DUXA: variants seen among roughly 807,000 people sequenced by gnomAD.
DUXA encodes double homeobox protein A.
DUXA carries 25 observed loss-of-function variants against 27.5 expected under a neutral mutation model. The observed-to-expected ratio is 0.91, with a 90% confidence interval of 0.66 to 1.27. DUXA has a LOEUF of 1.27. DUXA is among the 50% of genes most tolerant of loss of function. DUXA has a pLI of 0.00. For synonymous variants in DUXA, 90 were observed against 80.5 expected, an observed-to-expected ratio of 1.12 and a Z score of -0.63; for missense variants, 247 against 242.9, an observed-to-expected ratio of 1.02 and a Z score of -0.11.
At chr19:57,154,757 G>T (rs1599929057) in intron 5 of DUXA, among the ~76,000 whole-genome samples, 1 of 151,950 alleles carries the variant, frequency 6.6e-6, no homozygotes, top group South Asian at 2.1e-4. Context: ...TAGAGACGGG[G>T]TTTCACCGTG....
intron 5 of DUXA, among the ~76,000 whole-genome samples, 157 bp from the exon 6 acceptor site, chr19:57,154,639 C>G (rs1426022670): frequency 6.6e-6 from 1 of 151,606 alleles, no homozygotes; most frequent in East Asian, 2.0e-4. Context: ...TCTCGGCTCA[C>G]TGCAAGCTCC....
At chr19:57,156,171 T>A (rs2086992229) in intron 4 of DUXA, among the ~76,000 whole-genome samples, 1 of 152,128 alleles carries the variant, frequency 6.6e-6, no homozygotes, top group Non-Finnish European at 1.5e-5. Context: ...TTTTTTTTTC[T>A]ATCTCTTTTT....
intron 4 of DUXA, among the ~76,000 whole-genome samples, chr19:57,157,618 A>C (rs2086998932): frequency 6.6e-6 from 1 of 151,772 alleles, no homozygotes; most frequent in African/African-American, 2.4e-5. Flanking sequence ...GACGTGAGCC[A>C]CCGCACCCAG....
At chr19:57,163,039 G>A (rs753705758) in intron 1 of DUXA, among the ~76,000 whole-genome samples, 8 of 151,694 alleles carry the variant, frequency 5.3e-5, no homozygotes, top group East Asian at 3.9e-4. Context: ...CTCATCATAC[G>A]CGACATTCCA....
intron 1 of DUXA, among the ~76,000 whole-genome samples, chr19:57,162,365 C>T (rs933704909): frequency 1.3e-5 from 2 of 152,182 alleles, no homozygotes; most frequent in East Asian, 1.9e-4. Context: ...ACATAATTTG[C>T]TGGATAGGAC....
intron 1 of DUXA, among the ~76,000 whole-genome samples, chr19:57,162,810 C>G (rs4801202): frequency 0.76 from 116,044 of 151,964 alleles, 44,811 homozygotes; most frequent in Middle Eastern, 0.8. Flanking sequence ...TCCTGACCTC[C>G]TGATCCACCC....
At chr19:57,160,949 C>A (rs918466642) in intron 1 of DUXA, 152 bp from the exon 2 acceptor site, 2 of 831,302 alleles carry the variant, frequency 2.4e-6, no homozygotes, top group Admixed American at 5.7e-5. Context: ...CTCTTGAACA[C>A]ACAATGGCGA....
chr19:57,158,351 C>A lies in DUXA; in HGVS notation c.415G>T (p.Gly139Cys). 1.2e-6 allele frequency: 2 copies of A among 1,612,126 alleles called. No individual in the cohort carries two copies. Among genetic ancestry groups the A allele is most frequent in the South Asian group, 1.1e-5 (1 of 90,980 alleles). The part of the protein sequence containing the change: ...DSREELAKEI[G>C]VPESRVQIWF... ...ACTTGGACTCTTGACTCTGGAACAC[C>A]GATTTCTTTAGCAAGTTCTTCTCTG... Residue 139 changes from glycine (G) to cysteine (C), a missense_variant, in exon 4 of 6, where the codon GGT (glycine) becomes TGT (cysteine). Transcript: ENST00000554048.
intron 1 of DUXA, among the ~76,000 whole-genome samples, chr19:57,161,516 C>G (rs189239295): frequency 0.02 from 2,684 of 135,004 alleles, 192 homozygotes; most frequent in African/African-American, 0.073. Context: ...CCAGCTACTC[C>G]GGAGGCTGAG....
intron 2 of DUXA, among the ~76,000 whole-genome samples, chr19:57,159,587 A>G (rs780260143): frequency 6.6e-6 from 1 of 151,380 alleles, no homozygotes; most frequent in Non-Finnish European, 1.5e-5. Flanking sequence ...TAATTTTTGT[A>G]TTTTCAGTAG....
rs150407533 is a variant in DUXA at position 57,159,202 on chromosome 19, C to A, written c.257G>T (p.Ser86Ile). The change falls in exon 3 of 6, where the codon AGC (serine) becomes ATC (isoleucine). Residue 86 changes from serine to isoleucine, a missense_variant. Physicochemically the swap from Ser to Ile is moderately radical, Grantham distance 142. Transcript: ENST00000554048. The stretch of plus-strand genomic sequence containing the variant: ...CACACCAGGTTGATCTTGCCCCTGG[C>A]TCTGGCTTGATTCTAAAGTCTCAGC... Reference protein sequence around the residue: ...PEAETLESSQSQGQDQPGVEF... With the variant: ...PEAETLESSQIQGQDQPGVEF... 5.5e-4 allele frequency: 884 copies of A among 1,614,204 alleles called. 7 individuals are homozygous for A. In the East Asian group the frequency reaches 0.016, roughly 29 times the overall value.
At position 57,158,347 on chromosome 19, in the gene DUXA, A is replaced by G. The variant is rs747224683; in HGVS notation, c.419T>C (p.Val140Ala). 18 of 1,612,008 alleles carry G rather than the reference A, an allele frequency of 1.1e-5. No individual in the cohort carries two copies. Among genetic ancestry groups the G allele is most frequent in the Non-Finnish European group, 1.3e-5 (15 of 1,179,880 alleles). The change falls in exon 4 of 6, where the codon GTT becomes GCT. Residue 140 changes from valine (V) to alanine (A), a missense_variant. By Grantham distance (64) the Val-to-Ala change is moderately conservative (BLOSUM62 0). Coordinates refer to ENST00000554048, the MANE Select transcript of DUXA (RefSeq NM_001012729.2). ...SREELAKEIG[V>A]PESRVQIWFQ... is the part of the protein sequence containing the mutation. Reference sequence around the variant, plus strand: ...ACTCACTTGGACTCTTGACTCTGGAACACCGATTTCTTTAGCAAGTTCTTC... The same window carrying G: ...ACTCACTTGGACTCTTGACTCTGGAGCACCGATTTCTTTAGCAAGTTCTTC...
intron 1 of DUXA, among the ~76,000 whole-genome samples, chr19:57,166,258 CT>C (rs1208168327): frequency 6.6e-6 from 1 of 152,126 alleles, no homozygotes; most frequent in Non-Finnish European, 1.5e-5. Context: ...GGCCAAGTGC[CT>C]TTTTGTTGAA....
At position 57,157,995 on chromosome 19, in the gene DUXA, G is replaced by GA. The variant is rs34517130; in HGVS notation, c.438+332dup. 3.9e-3 allele frequency among the ~76,000 whole-genome samples: 576 copies of GA among 146,884 alleles called. 4 individuals are homozygous for GA. Among genetic ancestry groups the GA allele is most frequent in the African/African-American group, 0.014 (544 of 40,260 alleles). On this transcript the variant is annotated intron_variant, in intron 4 of 5. Coordinates refer to ENST00000554048, the MANE Select transcript of DUXA (RefSeq NM_001012729.2). Reference sequence around the variant, plus strand: ...GGTAATAGAGTGAGACCCCATCTCAGAAAAAAAAAAAAGGCTTTAGCCAAA... The same window carrying GA: ...GGTAATAGAGTGAGACCCCATCTCAGAAAAAAAAAAAAAGGCTTTAGCCAAA...
At chr19:57,158,546 C>G (rs2087004172) in intron 3 of DUXA, 73 bp from the exon 4 acceptor site, 1 of 1,557,764 alleles carries the variant, frequency 6.4e-7, no homozygotes, top group African/African-American at 1.4e-5. Context: ...TATTCAAACA[C>G]AGAACCCAAA....
chr19:57,163,709 G>A (rs138349977), intron 1 of DUXA, among the ~76,000 whole-genome samples: 57 of 152,258 alleles, frequency 3.7e-4, no homozygotes, highest in African/African-American at 1.3e-3. Flanking sequence ...GATTACAGGT[G>A]TGAGCCACCA....
At chr19:57,162,055 T>C (rs935214683) in intron 1 of DUXA, among the ~76,000 whole-genome samples, 1 of 152,038 alleles carries the variant, frequency 6.6e-6, no homozygotes. Context: ...CACACCCAGC[T>C]AATTTTTCTA....
chr19:57,160,778 A>T lies in DUXA; in HGVS notation c.45T>A (p.His15Gln). Reference protein sequence around the residue: ...TYSHKMVKTNHRRCRTKFTEE... With the variant: ...TYSHKMVKTNQRRCRTKFTEE... ...CTGTGAATTTTGTGCGACAGCGCCTATGATTTGTTTTTACCATCTCTGTAG... is the reference window on the plus strand; with the variant it reads ...CTGTGAATTTTGTGCGACAGCGCCTTTGATTTGTTTTTACCATCTCTGTAG... The change falls in exon 2 of 6, where the codon CAT becomes CAA. Residue 15 changes from histidine to glutamine, a missense_variant. His to Gln is a conservative substitution (Grantham distance 24, BLOSUM62 0). Transcript: ENST00000554048. 6.2e-7 allele frequency: 1 copy of T among 1,614,128 alleles called. No homozygotes were observed. The highest frequency in any genetic ancestry group is 8.5e-7 in the Non-Finnish European group (1 of 1,180,028).
rs957406795 is a variant in DUXA at position 57,159,227 on chromosome 19, C to T, written c.232G>A (p.Ala78Thr). ...CTCTGGCTTGATTCTAAAGTCTCAG[C>T]TTCTGGTCTTTTCTGGAATCCGTGC... ...ARHGFQKRPE[A>T]ETLESSQSQG... Residue 78 changes from alanine (A) to threonine (T), a missense_variant, in exon 3 of 6, where the codon GCT becomes ACT. Physicochemically the swap from Ala to Thr is moderately conservative, Grantham distance 58. Coordinates refer to ENST00000554048, the MANE Select transcript of DUXA (RefSeq NM_001012729.2). 4.3e-6 allele frequency: 7 copies of T among 1,614,080 alleles called. No individual in the cohort carries two copies. The highest frequency in any genetic ancestry group is 5.1e-6 in the Non-Finnish European group (6 of 1,180,042).
Sources: allele counts gnomAD v4.1 joint callset (sites outside exome capture counted in the v4.1 genomes callset), GRCh38; gene constraint gnomAD v4.1.1; transcripts MANE v1.5; gene names NCBI Gene and HGNC (gene_info 2026-07-23, HGNC 2026-07-21).